The following SAXO1 variants were observed in gnomAD, a reference collection of about 807,000 sequenced individuals.
The protein encoded by SAXO1 is stabilizer of axonemal microtubules 1.
In SAXO1, 21 loss-of-function variants were observed where a neutral mutation model predicts 17.5. The observed-to-expected ratio is 1.20, with a 90% CI of 0.85 to 1.72. SAXO1 has a LOEUF of 1.72. SAXO1 is among the 40% of genes most tolerant of loss of function. The pLI is 0.00. For synonymous variants in SAXO1, 274 were observed against 216.5 expected (o/e 1.27, Z -2.33); for missense variants, 843 against 596.0 (o/e 1.41, Z -4.32).
At chr9:18,941,515 G>A in intron 3 of SAXO1, 122 bp downstream of exon 3, 1 of 1,090,622 alleles carries the variant, frequency 9.2e-7, no homozygotes, top group Admixed American at 2.0e-5. Context: ...GGCCAGATCT[G>A]GCCCGTAGGA....
intron 2 of SAXO1, among the ~76,000 whole-genome samples, chr9:18,948,919 T>G (rs890474013): frequency 9.9e-5 from 15 of 152,272 alleles, no homozygotes; most frequent in African/African-American, 3.6e-4. Context: ...AACAAGATAT[T>G]TGCAAGCCAC....
At chr9:18,954,858 C>A (rs554017528) in intron 1 of SAXO1, among the ~76,000 whole-genome samples, 2 of 147,632 alleles carry the variant, frequency 1.4e-5, no homozygotes, top group Non-Finnish European at 3.0e-5. Context: ...GAATGGATAA[C>A]AGAACTTTAA....
chr9:19,002,749 T>G (rs181929128), intron 1 of SAXO1, among the ~76,000 whole-genome samples: 1 of 152,140 alleles, frequency 6.6e-6, no homozygotes, highest in Non-Finnish European at 1.5e-5. Context: ...TATCTCAAAA[T>G]AGTAAGAGCT....
upstream of SAXO1, among the ~76,000 whole-genome samples, chr9:19,034,197 T>A (rs1038744832): frequency 6.6e-6 from 1 of 152,202 alleles, no homozygotes; most frequent in African/African-American, 2.4e-5. Flanking sequence ...ACTCTTTCCA[T>A]TCATTTTAGT....
At chr9:19,013,642 G>A (rs899783994) in intron 1 of SAXO1, among the ~76,000 whole-genome samples, 6 of 150,108 alleles carry the variant, frequency 4.0e-5, no homozygotes, top group Non-Finnish European at 8.8e-5. Context: ...TGCCTCCCGG[G>A]TTCAAGTGAT....
chr9:18,981,860 C>G (rs1207652852), intron 1 of SAXO1, among the ~76,000 whole-genome samples: 2 of 152,232 alleles, frequency 1.3e-5, no homozygotes, highest in Non-Finnish European at 2.9e-5. Context: ...GATTTCAATT[C>G]AGCTCTCCCC....
chr9:18,938,832 G>GTGTGTGTGTA lies in SAXO1; in HGVS notation c.421+2804_421+2805insTACACACACA, dbSNP rs1344005956. 4.6e-3 allele frequency among the ~76,000 whole-genome samples: 681 copies of GTGTGTGTGTA among 149,276 alleles called. 3 individuals are homozygous for GTGTGTGTGTA. Among genetic ancestry groups the GTGTGTGTGTA allele is most frequent in the African/African-American group, 6.9e-3 (280 of 40,750 alleles). On this transcript the variant is annotated intron_variant, in intron 3 of 3. Transcript: ENST00000380534. ...TGCATGCGTGCGTGCGTGTGTGTGTGTGTGTGTGTGTGTGTGTGTGTATGT... is the reference window on the plus strand; with the variant it reads ...TGCATGCGTGCGTGCGTGTGTGTGTGTGTGTGTGTATGTGTGTGTGTGTGTGTGTGTATGT...
intron 1 of SAXO1, among the ~76,000 whole-genome samples, chr9:19,043,997 T>C (rs1181420857): frequency 1.3e-5 from 2 of 151,624 alleles, no homozygotes; most frequent in Non-Finnish European, 2.9e-5. Context: ...ATACAAAAAT[T>C]AGCCAGGTTT....
chr9:18,930,736 T>C (rs577237473), intron 3 of SAXO1, among the ~76,000 whole-genome samples: 12 of 152,256 alleles, frequency 7.9e-5, no homozygotes, highest in African/African-American at 2.6e-4. Flanking sequence ...CGACCTCAGG[T>C]AATCCGCCCA....
chr9:18,958,727 C>T lies in SAXO1; in HGVS notation c.39-7790G>A, dbSNP rs546040134. Among the ~76,000 whole-genome samples the T allele has an allele frequency of 2.0e-5, 3 of 151,842 alleles. No individual in the cohort carries two copies. In the East Asian group the frequency reaches 5.8e-4, roughly 30 times the overall value. On this transcript the variant is annotated intron_variant, in intron 1 of 3. Coordinates refer to ENST00000380534, the MANE Select transcript of SAXO1 (RefSeq NM_153707.4). Reference sequence around the variant, plus strand: ...GATGGGGGTGGGGTGAATATCTGTGCAGGAAGGGAAAGGAAGAGAAGAGAA... The same window carrying T: ...GATGGGGGTGGGGTGAATATCTGTGTAGGAAGGGAAAGGAAGAGAAGAGAA...
At chr9:19,027,816 TA>T in intron 1 of SAXO1, 1 of 1,495,432 alleles carries the variant, frequency 6.7e-7, no homozygotes, top group Non-Finnish European at 9.2e-7. Context: ...CAAGTTAAGG[TA>T]ATTGCAGTCA....
intron 1 of SAXO1, among the ~76,000 whole-genome samples, chr9:19,023,425 G>T (rs1046019962): frequency 2.6e-5 from 4 of 152,110 alleles, no homozygotes; most frequent in African/African-American, 9.7e-5. Flanking sequence ...CAATAACTCT[G>T]TTGAGTCAGG....
chr9:18,951,499 T>C (rs1261786364), intron 1 of SAXO1, among the ~76,000 whole-genome samples: 2 of 152,068 alleles, frequency 1.3e-5, no homozygotes, highest in Non-Finnish European at 2.9e-5. Context: ...GTGAAACCAC[T>C]TTCACATTGA....
In SAXO1 at chr9:19,032,891, G is replaced by C. The variant is rs771843398; in HGVS notation, c.18C>G (p.Ile6Met). 9 of 1,610,796 alleles carry C rather than the reference G, an allele frequency of 5.6e-6. No homozygotes were observed. The highest frequency in any genetic ancestry group is 6.8e-6 in the Non-Finnish European group (8 of 1,179,780). ...CTTACCCGCAGGAGCACAGTTCACA[G>C]ATGCACTTCGTCTTCATAGGGGCGA... is the stretch of plus-strand genomic sequence containing the variant. MKTKCICELCSCGRHH... is the reference protein window; with the variant it reads MKTKCMCELCSCGRHH... Residue 6 changes from isoleucine (I) to methionine (M), a missense_variant, in exon 1 of 4, where the codon ATC becomes ATG. Ile to Met is a conservative substitution (Grantham distance 10). Transcript: ENST00000380534.
chr9:18,996,863 A>T (rs890828244), intron 1 of SAXO1, among the ~76,000 whole-genome samples: 1 of 152,292 alleles, frequency 6.6e-6, no homozygotes, highest in Middle Eastern at 3.4e-3. Flanking sequence ...GAAAAAAAAC[A>T]TAGTAAAAGG....
chr9:18,941,864 T>TTG (rs1170648680), intron 2 of SAXO1, 25 bp from the exon 3 acceptor site: 1 of 1,610,284 alleles, frequency 6.2e-7, no homozygotes, highest in South Asian at 1.1e-5. Context: ...GTGCATGCTG[T>TTG]TGGGGTCCTT....
At chr9:19,025,048 T>C (rs2131030952) in intron 1 of SAXO1, among the ~76,000 whole-genome samples, 1 of 152,328 alleles carries the variant, frequency 6.6e-6, no homozygotes, top group Non-Finnish European at 1.5e-5. Context: ...TTGTACTCAT[T>C]TTATAAGATG....
chr9:18,965,483 T>C (rs1832678542), intron 1 of SAXO1, among the ~76,000 whole-genome samples: 1 of 152,224 alleles, frequency 6.6e-6, no homozygotes, highest in African/African-American at 2.4e-5. Flanking sequence ...CTTGTTGCAT[T>C]GATCCCTTTA....
At chr9:18,968,060 C>G (rs1027197106) in intron 1 of SAXO1, among the ~76,000 whole-genome samples, 1 of 152,218 alleles carries the variant, frequency 6.6e-6, no homozygotes, top group African/African-American at 2.4e-5. Context: ...CTTCTGCTCA[C>G]CTTCTGTGGG....
Sources: allele counts gnomAD v4.1 joint callset (sites outside exome capture counted in the v4.1 genomes callset), GRCh38; gene constraint gnomAD v4.1.1; transcripts MANE v1.5; gene names NCBI Gene and HGNC (gene_info 2026-07-23, HGNC 2026-07-21).